SCGB3A2: variants seen among roughly 807,000 people sequenced by gnomAD.
SCGB3A2 encodes pneumo secretory protein 1.
In SCGB3A2, 5 loss-of-function variants were observed where a neutral mutation model predicts 7.7. The observed-to-expected ratio is 0.65, with a 90% CI of 0.34 to 1.36. The LOEUF (loss-of-function observed/expected upper bound fraction) is 1.36. Among genes scored for constraint, SCGB3A2 ranks in the 40% most tolerant of loss-of-function variants. SCGB3A2 has a pLI of 0.04. For missense variants in SCGB3A2, 109 were observed against 103.6 expected (o/e 1.05, Z -0.23); for synonymous variants, 44 against 42.7 (o/e 1.03, Z -0.12).
At position 147,881,508 on chromosome 5, in the gene SCGB3A2, G is replaced by A; in HGVS notation, c.118G>A (p.Asp40Asn). 1 of 1,613,958 alleles carries A rather than the reference G, an allele frequency of 6.2e-7. No individual in the cohort carries two copies. The highest frequency in any genetic ancestry group is 8.5e-7 in the Non-Finnish European group (1 of 1,179,928). ...TGACAAGTTGGCACCTTTACCTCTG[G>A]ACAACATTCTTCCCTTTATGGATCC... is the stretch of plus-strand genomic sequence containing the variant. ...PVDKLAPLPL[D>N]NILPFMDPLK... is the part of the protein sequence containing the mutation. Residue 40 changes from aspartate to asparagine, a missense_variant, in exon 2 of 3, where the codon GAC (aspartate) becomes AAC (asparagine). By Grantham distance (23) the Asp-to-Asn change is conservative (BLOSUM62 1). Coordinates refer to ENST00000296694, the MANE Select transcript of SCGB3A2 (RefSeq NM_054023.5).
rs189647980 is a variant in SCGB3A2, at chr5:147,882,188, T to A, written c.*138T>A. 3.7e-5 allele frequency: 31 copies of A among 837,232 alleles called. No homozygotes were observed. The East Asian group carries it at 7.0e-4, about 19-fold the overall frequency. 51.9% of individuals were successfully genotyped at this position (837,232 alleles called of 1,614,324 possible). A position where few individuals can be genotyped will look rare whatever the true frequency, so the allele number is the denominator to read the frequency against. ...TGAAAAGGACAAATAAAGCAATGAA[T>A]ACATTTTCAGTCGTCCTATTTTTAT... On this transcript the variant is annotated 3_prime_UTR_variant, in exon 3 of 3. Transcript: ENST00000296694.
intron 1 of SCGB3A2, among the ~76,000 whole-genome samples, chr5:147,880,280 C>T (rs565025077): frequency 6.6e-6 from 1 of 152,210 alleles, no homozygotes; most frequent in African/African-American, 2.4e-5. Flanking sequence ...CTTCCTAAAG[C>T]CAAAGATATA....
At chr5:147,879,737 C>T (rs191053973) in intron 1 of SCGB3A2, among the ~76,000 whole-genome samples, 1 of 152,146 alleles carries the variant, frequency 6.6e-6, no homozygotes, top group African/African-American at 2.4e-5. Context: ...TGAAGATCTT[C>T]TCCCAGGAAG....
chr5:147,879,099 A>G (rs968371735), intron 1 of SCGB3A2, among the ~76,000 whole-genome samples: 1 of 152,230 alleles, frequency 6.6e-6, no homozygotes, highest in African/African-American at 2.4e-5. Flanking sequence ...TCTAAGCTCT[A>G]GCCCAATATA....
At chr5:147,881,156 T>G in intron 1 of SCGB3A2, 2 of 325,332 alleles carry the variant, frequency 6.1e-6, no homozygotes, top group Non-Finnish European at 1.1e-5. Flanking sequence ...TAGGTAATGG[T>G]AAGAAAAAAT....
chr5:147,879,999 G>A (rs1757320291), intron 1 of SCGB3A2, among the ~76,000 whole-genome samples: 2 of 151,942 alleles, frequency 1.3e-5, no homozygotes, highest in Admixed American at 1.3e-4. Flanking sequence ...GCCCCCTCTG[G>A]GTGAGAATTT....
In SCGB3A2 at chr5:147,878,906, C is replaced by T. The variant is rs1329093135; in HGVS notation, c.55+48C>T. ...GAATATGTGACATTTCTTTACTTTTCTGTTAATAAGAGCACAACTAGTAAG... is the reference window on the plus strand; with the variant it reads ...GAATATGTGACATTTCTTTACTTTTTTGTTAATAAGAGCACAACTAGTAAG... On this transcript the variant is annotated intron_variant, in intron 1 of 2. Coordinates refer to ENST00000296694, the MANE Select transcript of SCGB3A2 (RefSeq NM_054023.5). 6.5e-6 allele frequency: 9 copies of T among 1,383,242 alleles called. No individual in the cohort carries two copies. In the Admixed American group the frequency reaches 1.5e-4, roughly 23 times the overall value. The allele number at this position is 1,383,242 out of a possible 1,614,324, so 85.7% of individuals were successfully genotyped here.
chr5:147,881,928 T>C (rs1301648349), intron 2 of SCGB3A2, 99 bp from the exon 3 acceptor site: 2 of 1,340,744 alleles, frequency 1.5e-6, no homozygotes, highest in East Asian at 2.3e-5. Flanking sequence ...TCCCCATCAG[T>C]AAAATAGTGG....
Position 147,878,859 on chromosome 5 carries a change from G to T in SCGB3A2, c.55+1G>T. The stretch of plus-strand genomic sequence containing the variant: ...ACCATCAGCCTTTGTAGTTACTCTG[G>T]TAAGTAACTGGAATACATCTGGAAT... On this transcript the variant is annotated splice_donor_variant, in intron 1 of 2. Transcript: ENST00000296694. LOFTEE classifies it high-confidence loss of function. 1 of 1,594,902 alleles carries T rather than the reference G, an allele frequency of 6.3e-7. No individual in the cohort carries two copies. Among genetic ancestry groups the T allele is most frequent in the South Asian group, 1.1e-5 (1 of 90,602 alleles).
intron 1 of SCGB3A2, among the ~76,000 whole-genome samples, chr5:147,879,309 C>T (rs1240249325): frequency 1.3e-5 from 2 of 152,184 alleles, no homozygotes; most frequent in Admixed American, 6.5e-5. Context: ...ATCCAATTTG[C>T]TAGCTTGGTT....
intron 1 of SCGB3A2, among the ~76,000 whole-genome samples, chr5:147,880,414 C>T (rs1484223053): frequency 6.6e-6 from 1 of 152,164 alleles, no homozygotes; most frequent in African/African-American, 2.4e-5. Context: ...CTTTTGCAGC[C>T]TCACTCCCTT....
chr5:147,881,347 G>A (rs1757344874), intron 1 of SCGB3A2, 99 bp from the exon 2 acceptor site: 1 of 921,168 alleles, frequency 1.1e-6, no homozygotes, highest in Non-Finnish European at 1.7e-6. Context: ...AAGATGAGTG[G>A]ATCTGGAATG....
At chr5:147,879,618 T>C (rs905855307) in intron 1 of SCGB3A2, among the ~76,000 whole-genome samples, 1 of 152,204 alleles carries the variant, frequency 6.6e-6, no homozygotes, top group African/African-American at 2.4e-5. Context: ...GAATGGGAAC[T>C]GATTTATTTT....
At chr5:147,881,718 C>T (rs1288612154) in intron 2 of SCGB3A2, 70 bp downstream of exon 2, 4 of 1,190,740 alleles carry the variant, frequency 3.4e-6, no homozygotes, top group Non-Finnish European at 2.4e-6. Context: ...AGCTCCTCTT[C>T]TTGTCCCTTG....
chr5:147,880,557 TCTC>T (rs1158373309), intron 1 of SCGB3A2, among the ~76,000 whole-genome samples: 3 of 152,156 alleles, frequency 2.0e-5, no homozygotes, highest in Non-Finnish European at 2.9e-5. Context: ...CTAAAATGCT[TCTC>T]CTCTTCTTTA....
At chr5:147,881,876 T>C (rs1757354145) in intron 2 of SCGB3A2, 151 bp from the exon 3 acceptor site, 2 of 856,520 alleles carry the variant, frequency 2.3e-6, no homozygotes, top group Admixed American at 4.1e-5. Flanking sequence ...ATTTACCACC[T>C]TCGTGATTTT....
chr5:147,878,970 G>T, intron 1 of SCGB3A2, 112 bp downstream of exon 1: 2 of 736,910 alleles, frequency 2.7e-6, no homozygotes, highest in South Asian at 1.8e-5. Context: ...GGTAGGAATT[G>T]TATTTTTTTT....
In SCGB3A2 at chr5:147,881,667, G is replaced by C. The variant is rs1757350930; in HGVS notation, c.258+19G>C. The C allele has an allele frequency of 6.2e-7, 1 of 1,603,728 alleles. No homozygotes were observed. Among genetic ancestry groups the C allele is most frequent in the African/African-American group, 1.3e-5 (1 of 74,606 alleles). Reference sequence around the variant, plus strand: ...ACTGCTGGTAACCACAGCTTGGGAGGCTAATCTGCCAAAGGGGAGGCATAC... The same window carrying C: ...ACTGCTGGTAACCACAGCTTGGGAGCCTAATCTGCCAAAGGGGAGGCATAC... On this transcript the variant is annotated intron_variant, in intron 2 of 2. Coordinates refer to ENST00000296694, the MANE Select transcript of SCGB3A2 (RefSeq NM_054023.5).
At chr5:147,878,971 T>A in intron 1 of SCGB3A2, 113 bp downstream of exon 1, 1 of 717,542 alleles carries the variant, frequency 1.4e-6, no homozygotes, top group Non-Finnish European at 2.4e-6. Context: ...GTAGGAATTG[T>A]ATTTTTTTTT....
Sources: allele counts gnomAD v4.1 joint callset (sites outside exome capture counted in the v4.1 genomes callset), GRCh38; gene constraint gnomAD v4.1.1; transcripts MANE v1.5; gene names NCBI Gene and HGNC (gene_info 2026-07-23, HGNC 2026-07-21).